Variants in DIP2B observed in about 807,000 individuals in gnomAD.
DIP2B encodes the protein disco-interacting protein 2 homolog B.
In DIP2B, 76 loss-of-function variants were observed where a neutral mutation model predicts 198.0. That is an observed-to-expected ratio of 0.38 (90% CI 0.32 to 0.46). The LOEUF is 0.46. DIP2B is among the 20% of genes least tolerant of loss of function. The pLI is 0.99. For missense variants in DIP2B, 1,559 were observed against 1,978.4 expected (o/e 0.79, Z 4.02); for synonymous variants, 701 against 739.1 (o/e 0.95, Z 0.84).
intron 1 of DIP2B, among the ~76,000 whole-genome samples, chr12:50,537,719 T>C (rs894160083): frequency 6.6e-6 from 1 of 152,110 alleles, no homozygotes; most frequent in African/African-American, 2.4e-5. Flanking sequence ...AATGCCTCTG[T>C]TTAGGAAGCT....
At chr12:50,651,500 T>G (rs1479221858) in intron 3 of DIP2B, among the ~76,000 whole-genome samples, 1 of 152,190 alleles carries the variant, frequency 6.6e-6, no homozygotes, top group African/African-American at 2.4e-5. Context: ...AGTCAATTTT[T>G]GTATATCATG....
intron 27 of DIP2B, among the ~76,000 whole-genome samples, chr12:50,724,135 A>G (rs1157619504): frequency 2.6e-5 from 4 of 152,200 alleles, no homozygotes; most frequent in African/African-American, 9.7e-5. Context: ...AGCCATGATC[A>G]CCATAGATGA....
intron 1 of DIP2B, among the ~76,000 whole-genome samples, chr12:50,619,938 C>G (rs987488177): frequency 2.6e-5 from 4 of 152,152 alleles, no homozygotes; most frequent in Admixed American, 2.6e-4. Flanking sequence ...GCACACCCAT[C>G]TGGTCCCAGA....
At chr12:50,636,480 A>G (rs1938161988) in intron 2 of DIP2B, among the ~76,000 whole-genome samples, 1 of 152,154 alleles carries the variant, frequency 6.6e-6, no homozygotes, top group Admixed American at 6.5e-5. Context: ...GAAGTCCAGT[A>G]TTTTCCTCTT....
chr12:50,693,694 T>G (rs1193662685), intron 14 of DIP2B, among the ~76,000 whole-genome samples: 1 of 152,164 alleles, frequency 6.6e-6, no homozygotes, highest in Non-Finnish European at 1.5e-5. Flanking sequence ...AAGTTAAAAA[T>G]CCTTTTGAGG....
chr12:50,514,981 A>G (rs968467614), intron 1 of DIP2B, among the ~76,000 whole-genome samples: 1 of 151,836 alleles, frequency 6.6e-6, no homozygotes, highest in African/African-American at 2.4e-5. Context: ...AAAAACACAC[A>G]CAAAACTTTG....
intron 1 of DIP2B, among the ~76,000 whole-genome samples, chr12:50,560,673 G>C (rs1196680353): frequency 6.6e-6 from 1 of 152,144 alleles, no homozygotes; most frequent in Non-Finnish European, 1.5e-5. Flanking sequence ...ATTGCTTGAA[G>C]CCGGGAGGCA....
At chr12:50,739,635 A>G (rs1940204289) in intron 36 of DIP2B, 49 bp downstream of exon 36, 2 of 1,601,632 alleles carry the variant, frequency 1.2e-6, no homozygotes, top group Non-Finnish European at 1.7e-6. Flanking sequence ...TTTCTGTAGC[A>G]CTAGCTGACC....
chr12:50,669,683 C>T (rs538804530), intron 4 of DIP2B, among the ~76,000 whole-genome samples: 48 of 152,304 alleles, frequency 3.2e-4, no homozygotes, highest in African/African-American at 1.1e-3. Flanking sequence ...CCTCGGCCTC[C>T]CAAAGTACTG....
At chr12:50,564,595 A>T (rs984223003) in intron 1 of DIP2B, among the ~76,000 whole-genome samples, 1 of 152,178 alleles carries the variant, frequency 6.6e-6, no homozygotes, top group Admixed American at 6.6e-5. Flanking sequence ...TATACCATTA[A>T]GACCATATGA....
chr12:50,507,424 T>G (rs1039759249), intron 1 of DIP2B, among the ~76,000 whole-genome samples: 1 of 152,220 alleles, frequency 6.6e-6, no homozygotes, highest in Non-Finnish European at 1.5e-5. Context: ...TCCCCATATC[T>G]GTGTAGTATG....
intron 1 of DIP2B, among the ~76,000 whole-genome samples, chr12:50,607,441 C>A (rs1958993159): frequency 6.6e-6 from 1 of 152,150 alleles, no homozygotes; most frequent in Non-Finnish European, 1.5e-5. Context: ...AACATTAAGA[C>A]AAATTTTGAA....
chr12:50,719,854 GA>G (rs994347626), intron 25 of DIP2B, among the ~76,000 whole-genome samples: 2 of 145,706 alleles, frequency 1.4e-5, no homozygotes, highest in African/African-American at 5.0e-5. Context: ...AATAAAAAAA[GA>G]AAAAATATAT....
chr12:50,715,012 G>A (rs1243035039), intron 23 of DIP2B, among the ~76,000 whole-genome samples: 4 of 152,228 alleles, frequency 2.6e-5, no homozygotes, highest in South Asian at 2.1e-4. Flanking sequence ...TGCTTTTGGA[G>A]CTATTGTAGA....
intron 1 of DIP2B, among the ~76,000 whole-genome samples, chr12:50,608,610 A>G (rs1959004309): frequency 6.6e-6 from 1 of 150,880 alleles, no homozygotes; most frequent in African/African-American, 2.4e-5. Context: ...TGGGTGACAT[A>G]GCAAGACTCA....
chr12:50,682,515 G>C (rs1425497269), intron 9 of DIP2B, among the ~76,000 whole-genome samples: 7 of 151,428 alleles, frequency 4.6e-5, no homozygotes, highest in Non-Finnish European at 1.0e-4. Context: ...TGTAGTCCCA[G>C]CTACTCGGGA....
At chr12:50,558,685 A>G (rs189575410) in intron 1 of DIP2B, among the ~76,000 whole-genome samples, 1 of 152,348 alleles carries the variant, frequency 6.6e-6, no homozygotes, top group Admixed American at 6.5e-5. Flanking sequence ...GCATTAACTC[A>G]GAAGAACAAA....
At position 50,695,936 on chromosome 12, in the gene DIP2B, A is replaced by G; in HGVS notation, c.1902A>G (p.Arg634=). ...GAGACGTGAGCTTGAGTTCCCTCCGAATGTTAATTGTGACTGATGGAGCTA... is the reference window on the plus strand; with the variant it reads ...GAGACGTGAGCTTGAGTTCCCTCCGGATGTTAATTGTGACTGATGGAGCTA... ...DQRDVSLSSL[R]MLIVTDGANP... is the part of the protein sequence containing the mutation. The change falls in exon 16 of 38, where the codon CGA becomes CGG. Residue 634 remains arginine (R), a synonymous_variant. Coordinates refer to ENST00000301180, the MANE Select transcript of DIP2B (RefSeq NM_173602.3). The G allele has an allele frequency of 6.2e-7, 1 of 1,614,058 alleles. No homozygotes were observed. The highest frequency in any genetic ancestry group is 8.5e-7 in the Non-Finnish European group (1 of 1,179,940).
intron 1 of DIP2B, among the ~76,000 whole-genome samples, chr12:50,624,167 C>T (rs532395780): frequency 1.1e-4 from 17 of 152,262 alleles, no homozygotes; most frequent in Non-Finnish European, 1.8e-4. Context: ...TATTTTTCAA[C>T]TATATCCCAA....
Sources: allele counts gnomAD v4.1 joint callset (sites outside exome capture counted in the v4.1 genomes callset), GRCh38; gene constraint gnomAD v4.1.1; transcripts MANE v1.5; gene names NCBI Gene and HGNC (gene_info 2026-07-23, HGNC 2026-07-21).